ATP10A: variants seen among roughly 807,000 people sequenced by gnomAD.
ATP10A encodes ATPase phospholipid transporting 10A (putative).
A neutral mutation model predicts 147.8 loss-of-function variants in ATP10A; 111 were observed. The ratio of observed to expected loss-of-function variants is 0.75; its 90% CI spans 0.64 to 0.88. ATP10A has a LOEUF of 0.88. Among genes scored for constraint, ATP10A ranks in the 40% least tolerant of loss-of-function variants. The pLI is 0.00. For synonymous variants in ATP10A, 875 were observed against 841.6 expected, an observed-to-expected ratio of 1.04 and a Z score of -0.69; for missense variants, 1,927 against 1,959.0, an observed-to-expected ratio of 0.98 and a Z score of 0.31.
intron 10 of ATP10A, among the ~76,000 whole-genome samples, chr15:25,712,558 A>G (rs1293125176): frequency 6.6e-6 from 1 of 152,194 alleles, no homozygotes; most frequent in Non-Finnish European, 1.5e-5. Context: ...TGTAGAATGA[A>G]ATCACTCAGA....
chr15:25,750,723 ATGATGATGATG>A (rs1189694821), intron 2 of ATP10A, among the ~76,000 whole-genome samples: 159 of 151,890 alleles, frequency 1.0e-3, no homozygotes, highest in African/African-American at 3.5e-3. Context: ...GATGATGATG[ATGATGATGATG>A]ATGATGACAG....
chr15:25,856,999 A>G (rs1205490202), intron 1 of ATP10A, among the ~76,000 whole-genome samples: 3 of 152,230 alleles, frequency 2.0e-5, no homozygotes, highest in Admixed American at 6.5e-5. Flanking sequence ...TTTCTGGGGG[A>G]AAATCTATAG....
chr15:25,766,924 T>C (rs1008174299), intron 2 of ATP10A, among the ~76,000 whole-genome samples: 2 of 148,850 alleles, frequency 1.3e-5, no homozygotes, highest in Admixed American at 6.7e-5. Flanking sequence ...AAAAAAAAAC[T>C]TTAATGGGCC....
chr15:25,810,218 A>C (rs1356524428), intron 1 of ATP10A, among the ~76,000 whole-genome samples: 1 of 152,022 alleles, frequency 6.6e-6, no homozygotes, highest in Admixed American at 6.6e-5. Flanking sequence ...TTCCCCCCAG[A>C]CCTTCTAATA....
intron 12 of ATP10A, among the ~76,000 whole-genome samples, chr15:25,703,698 T>C (rs954608065): frequency 1.3e-5 from 2 of 152,208 alleles, no homozygotes; most frequent in Non-Finnish European, 2.9e-5. Flanking sequence ...ATTCCTTTGA[T>C]ACACTTTCAC....
chr15:25,836,054 C>T (rs543374718), intron 1 of ATP10A, among the ~76,000 whole-genome samples: 1 of 152,188 alleles, frequency 6.6e-6, no homozygotes, highest in South Asian at 2.1e-4. Flanking sequence ...ACCTCGTGAT[C>T]CGCCCACCTC....
At chr15:25,776,521 A>G (rs919695490) in intron 2 of ATP10A, among the ~76,000 whole-genome samples, 1 of 152,236 alleles carries the variant, frequency 6.6e-6, no homozygotes, top group African/African-American at 2.4e-5. Flanking sequence ...GGCTGAACAA[A>G]TGTGAGACAT....
rs1430684688 is a variant in ATP10A at position 25,720,680 on chromosome 15, TTATC to T, written c.1363+973_1363+976del. ...GTGAGTGGATGGAGTACTGTCATGA[TTATC>T]TATTTTGGGTGGCAAATAAAACTTT... On this transcript the variant is annotated intron_variant, in intron 7 of 20. Coordinates refer to ENST00000555815, the MANE Select transcript of ATP10A (RefSeq NM_024490.4). Among the ~76,000 whole-genome samples, 8 of 151,712 alleles carry T rather than the reference TTATC, an allele frequency of 5.3e-5. No homozygotes were observed. The East Asian group carries it at 1.6e-3, about 30-fold the overall frequency.
At position 25,810,013 on chromosome 15, in the gene ATP10A, CA is replaced by C. The variant is rs56870055; in HGVS notation, c.450-28791del. On this transcript the variant is annotated intron_variant, in intron 1 of 20. Coordinates refer to ENST00000555815, the MANE Select transcript of ATP10A (RefSeq NM_024490.4). ...CATCCAAACGGGAAGAAGGTCATTA[CA>C]AAAAAAAAAAAAATGACGGAACGTC... 4.4e-3 allele frequency among the ~76,000 whole-genome samples: 616 copies of C among 139,266 alleles called. 2 individuals carry two copies. Among genetic ancestry groups the C allele is most frequent in the African/African-American group, 8.7e-3 (322 of 36,866 alleles). 91.4% of individuals were successfully genotyped at this position (139,266 alleles called of 152,430 possible). A position where few individuals can be genotyped will look rare whatever the true frequency, so the allele number is the denominator to read the frequency against.
At chr15:25,849,146 C>T (rs1032422605) in intron 1 of ATP10A, among the ~76,000 whole-genome samples, 1 of 152,008 alleles carries the variant, frequency 6.6e-6, no homozygotes, top group Non-Finnish European at 1.5e-5. Flanking sequence ...TCGGTGGACC[C>T]TGGGACAAAG....
chr15:25,721,863 G>T lies in ATP10A; in HGVS notation c.1157C>A (p.Ala386Glu), dbSNP rs769713181. 12 of 1,614,006 alleles carry T rather than the reference G, an allele frequency of 7.4e-6. No homozygotes were observed. Among genetic ancestry groups the T allele is most frequent in the Non-Finnish European group, 8.5e-6 (10 of 1,179,910 alleles). ...CTGGTTAATGAAGTACACTTGGCAT[G>T]CTTTAACAATTTCAATGGAAACGTA... The part of the protein sequence containing the change: ...SLYVSIEIVK[A>E]CQVYFINQDM... The change falls in exon 7 of 21, where the codon GCA (alanine) becomes GAA (glutamate). Residue 386 changes from alanine (A) to glutamate (E), a missense_variant. Ala to Glu is a moderately radical substitution (Grantham distance 107, BLOSUM62 -1). Transcript: ENST00000555815.
chr15:25,853,031 T>A (rs1893361428), intron 1 of ATP10A, among the ~76,000 whole-genome samples: 1 of 152,186 alleles, frequency 6.6e-6, no homozygotes, highest in South Asian at 2.1e-4. Flanking sequence ...TGTCTCTAAC[T>A]TAAAATGAGG....
chr15:25,763,664 C>T (rs1419773887), intron 2 of ATP10A, among the ~76,000 whole-genome samples: 1 of 152,182 alleles, frequency 6.6e-6, no homozygotes, highest in Non-Finnish European at 1.5e-5. Context: ...TCTGCAGCAC[C>T]TGCTGTAAAA....
At chr15:25,760,825 A>T (rs766698525) in intron 2 of ATP10A, among the ~76,000 whole-genome samples, 2 of 152,158 alleles carry the variant, frequency 1.3e-5, no homozygotes, top group African/African-American at 2.4e-5. Flanking sequence ...CGGCCTGGTG[A>T]CTGAAACATA....
intron 19 of ATP10A, 65 bp downstream of exon 19, chr15:25,680,745 C>T (rs944495077): frequency 2.1e-5 from 31 of 1,453,132 alleles, no homozygotes; most frequent in African/African-American, 2.8e-5. Context: ...CATGAATCTG[C>T]AGGGAAGTGT....
At position 25,862,750 on chromosome 15, in the gene ATP10A, AGCACCGGCGCCAGT is replaced by A; in HGVS notation, c.333_346del (p.Ala113HisfsTer71). The A allele has an allele frequency of 8.7e-6, 14 of 1,612,226 alleles. No individual in the cohort carries two copies. The highest frequency in any genetic ancestry group is 1.2e-5 in the Non-Finnish European group (14 of 1,179,294). ...GAAGGCCGTGATGGCCAGGATGAAGAGCACCGGCGCCAGTGCCAGGCCGGGCTGGAAGGCGTTCA... is the reference window on the plus strand; with the variant it reads ...GAAGGCCGTGATGGCCAGGATGAAGAGCCAGGCCGGGCTGGAAGGCGTTCA... On this transcript the variant is annotated frameshift_variant, in exon 1 of 21. Coordinates refer to ENST00000555815, the MANE Select transcript of ATP10A (RefSeq NM_024490.4). LOFTEE classifies it high-confidence loss of function.
chr15:25,784,689 C>T (rs537617694), intron 1 of ATP10A, among the ~76,000 whole-genome samples: 1 of 152,220 alleles, frequency 6.6e-6, no homozygotes, highest in African/African-American at 2.4e-5. Flanking sequence ...CTTTGGGAGG[C>T]CAAGACGGGC....
chr15:25,862,802 A>G lies in ATP10A; in HGVS notation c.295T>C (p.Phe99Leu). Residue 99 changes from phenylalanine (F) to leucine (L), a missense_variant, in exon 1 of 21, where the codon TTC becomes CTC. Transcript: ENST00000555815. ...TGGAAGGCGTTCACCGCCGGCACGA[A>G]GTTGAGCAGCGCGATGAAGACAAAG... ...VYFVFIALLN[F>L]VPAVNAFQPG... is the part of the protein sequence containing the mutation. The G allele has an allele frequency of 6.2e-7, 1 of 1,610,704 alleles. No homozygotes were observed. Among genetic ancestry groups the G allele is most frequent in the Non-Finnish European group, 8.5e-7 (1 of 1,178,430 alleles).
In ATP10A at chr15:25,730,712, G is replaced by A. The variant is rs191573065; in HGVS notation, c.741-3446C>T. On this transcript the variant is annotated intron_variant, in intron 3 of 20. Transcript: ENST00000555815. ...GGAATGACAGATAATTCCTTCCATT[G>A]GCAAATCCTGGGCAGAATTTGCTTT... 4.2e-3 allele frequency among the ~76,000 whole-genome samples: 636 copies of A among 152,150 alleles called. 4 individuals carry two copies. Among genetic ancestry groups the A allele is most frequent in the Middle Eastern group, 0.02 (6 of 294 alleles).
Sources: allele counts gnomAD v4.1 joint callset (sites outside exome capture counted in the v4.1 genomes callset), GRCh38; gene constraint gnomAD v4.1.1; transcripts MANE v1.5; gene names NCBI Gene and HGNC (gene_info 2026-07-23, HGNC 2026-07-21).